VWC2L: variants seen among roughly 807,000 people sequenced by gnomAD.
The protein encoded by VWC2L is von Willebrand factor C domain-containing protein 2-like.
A neutral mutation model predicts 21.6 loss-of-function variants in VWC2L; 10 were observed. The observed-to-expected ratio is 0.46, with a 90% CI of 0.29 to 0.78. The LOEUF is 0.78. Among genes scored for constraint, VWC2L ranks in the 30% least tolerant of loss-of-function variants. The pLI, the probability that VWC2L is intolerant of heterozygous loss-of-function variation, is 0.10. For synonymous variants in VWC2L, 96 were observed against 94.3 expected (o/e 1.02, Z -0.10); for missense variants, 209 against 277.1 (o/e 0.75, Z 1.74).
At position 214,524,728 on chromosome 2, in the gene VWC2L, G is replaced by T. The variant is rs563281140; in HGVS notation, c.521-50944G>T. ...TTGATGATGCCGCATCAATGCCCCA[G>T]TTTTTTTCTCACTAATGCCCTCGTC... On this transcript the variant is annotated intron_variant, in intron 3 of 3. Transcript: ENST00000312504. Among the ~76,000 whole-genome samples, 150 of 152,016 alleles carry T rather than the reference G, an allele frequency of 9.9e-4. 1 individual carries two copies. The highest frequency in any genetic ancestry group is 1.5e-3 in the Non-Finnish European group (100 of 68,014).
At chr2:214,497,041 G>A (rs1272757050) in intron 3 of VWC2L, among the ~76,000 whole-genome samples, 2 of 152,140 alleles carry the variant, frequency 1.3e-5, no homozygotes, top group Non-Finnish European at 2.9e-5. Context: ...CATCGTTAAG[G>A]TGAGATGCAG....
chr2:214,559,203 A>C (rs1189224139), intron 3 of VWC2L, among the ~76,000 whole-genome samples: 8 of 151,550 alleles, frequency 5.3e-5, no homozygotes, highest in East Asian at 1.9e-4. Flanking sequence ...TTCTCAAAAG[A>C]AGACATTTAT....
intron 3 of VWC2L, among the ~76,000 whole-genome samples, chr2:214,527,769 G>A (rs1404172949): frequency 6.6e-6 from 1 of 152,064 alleles, no homozygotes; most frequent in Non-Finnish European, 1.5e-5. Context: ...TTGCCTCAAA[G>A]TACCAATATA....
chr2:214,444,515 T>G (rs1018645451), intron 3 of VWC2L, among the ~76,000 whole-genome samples: 2 of 152,052 alleles, frequency 1.3e-5, no homozygotes, highest in African/African-American at 4.8e-5. Flanking sequence ...TAAATGGAAA[T>G]TCTATACAAT....
At chr2:214,505,805 G>A (rs1318640872) in intron 3 of VWC2L, among the ~76,000 whole-genome samples, 1 of 152,088 alleles carries the variant, frequency 6.6e-6, no homozygotes, top group African/African-American at 2.4e-5. Flanking sequence ...GACAGATAAA[G>A]GTATAAAAAA....
At chr2:214,445,505 T>G (rs1359996819) in intron 3 of VWC2L, among the ~76,000 whole-genome samples, 1 of 151,730 alleles carries the variant, frequency 6.6e-6, no homozygotes, top group African/African-American at 2.4e-5. Flanking sequence ...TGTACATATA[T>G]GTGTGTATGT....
chr2:214,544,671 TC>T (rs957594331), intron 3 of VWC2L, among the ~76,000 whole-genome samples: 3 of 152,048 alleles, frequency 2.0e-5, no homozygotes, highest in African/African-American at 4.8e-5. Flanking sequence ...GAAAGTCTCT[TC>T]CCCCCTCTGA....
intron 3 of VWC2L, among the ~76,000 whole-genome samples, chr2:214,448,287 A>T (rs1364848849): frequency 6.6e-6 from 1 of 152,194 alleles, no homozygotes; most frequent in Non-Finnish European, 1.5e-5. Flanking sequence ...ATCCACACAC[A>T]CCCATATTGT....
At chr2:214,521,191 C>T (rs1041180097) in intron 3 of VWC2L, among the ~76,000 whole-genome samples, 2 of 151,432 alleles carry the variant, frequency 1.3e-5, no homozygotes, top group African/African-American at 4.9e-5. Flanking sequence ...CGCCACTGCA[C>T]TCCAGCCTGG....
chr2:214,415,121 C>A (rs1442001800), intron 2 of VWC2L: 2 of 152,376 alleles, frequency 1.3e-5, no homozygotes, highest in African/African-American at 4.8e-5. Context: ...GTTCTCTGCT[C>A]GCTGGATTTT....
At chr2:214,556,269 A>G (rs1396525719) in intron 3 of VWC2L, among the ~76,000 whole-genome samples, 1 of 152,142 alleles carries the variant, frequency 6.6e-6, no homozygotes, top group African/African-American at 2.4e-5. Context: ...CAAAAAATAA[A>G]TAAAATTTAG....
Position 214,466,093 on chromosome 2 carries a change from G to A in VWC2L, c.520+29335G>A, listed in dbSNP as rs574983673. Among the ~76,000 whole-genome samples the A allele has an allele frequency of 4.7e-4, 72 of 152,018 alleles. 2 individuals are homozygous for A. The South Asian group carries it at 0.014, about 30-fold the overall frequency. On this transcript the variant is annotated intron_variant, in intron 3 of 3. Coordinates refer to ENST00000312504, the MANE Select transcript of VWC2L (RefSeq NM_001080500.4). ...TGATATGATGTTAAGACCAGGTATT[G>A]TAATTGTCCACCTGATTTTTCATTC... is the stretch of plus-strand genomic sequence containing the variant.
Position 214,527,783 on chromosome 2 carries a change from T to C in VWC2L, c.521-47889T>C, listed in dbSNP as rs777639534. ...ATTGCCTCAAAGTACCAATATATAC[T>C]TGACATTAAGTAATACATTAATATT... On this transcript the variant is annotated intron_variant, in intron 3 of 3. Coordinates refer to ENST00000312504, the MANE Select transcript of VWC2L (RefSeq NM_001080500.4). 7.2e-5 allele frequency among the ~76,000 whole-genome samples: 11 copies of C among 152,180 alleles called. 1 individual carries two copies. The highest frequency in any genetic ancestry group is 4.6e-4 in the Admixed American group (7 of 15,276).
At chr2:214,534,500 T>C (rs1044554803) in intron 3 of VWC2L, among the ~76,000 whole-genome samples, 1 of 152,012 alleles carries the variant, frequency 6.6e-6, no homozygotes, top group Non-Finnish European at 1.5e-5. Context: ...GAGAAAGCAT[T>C]GGTGGGAGAT....
At chr2:214,509,401 C>T (rs148641767) in intron 3 of VWC2L, among the ~76,000 whole-genome samples, 267 of 152,136 alleles carry the variant, frequency 1.8e-3, no homozygotes, top group African/African-American at 6.2e-3. Context: ...AGTTTCAAGA[C>T]ACAGCCTATA....
intron 3 of VWC2L, among the ~76,000 whole-genome samples, chr2:214,465,050 C>A (rs148330466): frequency 1.3e-5 from 2 of 152,072 alleles, no homozygotes; most frequent in Admixed American, 6.5e-5. Context: ...TCCCCGCTGT[C>A]CCAGGACGAA....
chr2:214,476,070 A>T (rs1688514174), intron 3 of VWC2L, among the ~76,000 whole-genome samples: 1 of 152,118 alleles, frequency 6.6e-6, no homozygotes, highest in African/African-American at 2.4e-5. Flanking sequence ...GTCTCAAGAG[A>T]CTTCTCCATT....
At chr2:214,549,328 C>A (rs1689756547) in intron 3 of VWC2L, among the ~76,000 whole-genome samples, 1 of 152,212 alleles carries the variant, frequency 6.6e-6, no homozygotes, top group African/African-American at 2.4e-5. Flanking sequence ...CATTTTTCAG[C>A]CTACCACAGG....
intron 3 of VWC2L, among the ~76,000 whole-genome samples, chr2:214,452,548 A>G (rs1702974879): frequency 6.6e-6 from 1 of 152,206 alleles, no homozygotes; most frequent in Non-Finnish European, 1.5e-5. Context: ...ATTATTACAA[A>G]TAAAGCTGCT....
Sources: allele counts gnomAD v4.1 joint callset (sites outside exome capture counted in the v4.1 genomes callset), GRCh38; gene constraint gnomAD v4.1.1; transcripts MANE v1.5; gene names NCBI Gene and HGNC (gene_info 2026-07-23, HGNC 2026-07-21).